The following DYRK1A variants were observed in gnomAD, a reference collection of about 807,000 sequenced individuals.
The protein encoded by DYRK1A is dual specificity tyrosine-phosphorylation-regulated kinase 1A.
Under a neutral mutation model 79.7 loss-of-function variants are expected in DYRK1A, and 9 were observed. The observed-to-expected ratio is 0.11, with a 90% CI of 0.07 to 0.20. DYRK1A has a LOEUF of 0.20. Among genes scored for constraint, DYRK1A ranks in the 10% least tolerant of loss-of-function variants. The probability of loss-of-function intolerance (pLI) is 1.00; values close to 1 mark genes in which losing one functional copy is unlikely to be tolerated. For synonymous variants in DYRK1A, 349 were observed against 329.7 expected (o/e 1.06, Z -0.63); for missense variants, 622 against 956.0 (o/e 0.65, Z 4.61).
In DYRK1A at chr21:37,522,571, A is replaced by C. The variant is rs1333515038; in HGVS notation, c.*10040A>C. The C allele has an allele frequency of 6.6e-6, 1 of 152,234 alleles. No homozygotes were observed. The highest frequency in any genetic ancestry group is 1.5e-5 in the Non-Finnish European group (1 of 68,060). The allele number at this position is 152,234 out of a possible 1,614,324, so 9.4% of individuals were successfully genotyped here. A position where few individuals can be genotyped will look rare whatever the true frequency, so the allele number is the denominator to read the frequency against. ...ATCAATTAATGTAGACACTAGGCTT[A>C]GGGCTAGGGAAAATGTAGTGAAGGA... On this transcript the variant is annotated 3_prime_UTR_variant, in exon 12 of 12. Transcript: ENST00000647188.
rs2053944278 is a variant in DYRK1A, at chr21:37,522,902, C to G, written c.*10371C>G. 1 of 152,382 alleles carries G rather than the reference C, an allele frequency of 6.6e-6. No individual in the cohort carries two copies. Among genetic ancestry groups the G allele is most frequent in the African/African-American group, 2.4e-5 (1 of 41,470 alleles). 9.4% of individuals were successfully genotyped at this position (152,382 alleles called of 1,614,324 possible). On this transcript the variant is annotated 3_prime_UTR_variant, in exon 12 of 12. Coordinates refer to ENST00000647188, the MANE Select transcript of DYRK1A (RefSeq NM_001347721.2). ...CCGCTTTCCCCACTGCTGGTTCAGG[C>G]TGTCTGCAGCAGCAGCAGCTCCAGG...
rs967949089 is a variant in DYRK1A, at chr21:37,520,337, A to G, written c.*7806A>G. Reference sequence around the variant, plus strand: ...CAGCTCTTAAGTTTATAAATAAAACAGGGATATTATCGGGGAAGCTTTTGA... The same window carrying G: ...CAGCTCTTAAGTTTATAAATAAAACGGGGATATTATCGGGGAAGCTTTTGA... On this transcript the variant is annotated 3_prime_UTR_variant, in exon 12 of 12. Coordinates refer to ENST00000647188, the MANE Select transcript of DYRK1A (RefSeq NM_001347721.2). 2.0e-4 allele frequency: 30 copies of G among 152,128 alleles called. No homozygotes were observed. Among genetic ancestry groups the G allele is most frequent in the African/African-American group, 7.2e-4 (30 of 41,458 alleles). 9.4% of individuals were successfully genotyped at this position (152,128 alleles called of 1,614,324 possible). A position where few individuals can be genotyped will look rare whatever the true frequency, so the allele number is the denominator to read the frequency against.
intron 1 of DYRK1A, among the ~76,000 whole-genome samples, chr21:37,417,538 T>TTTC (rs1569304671): frequency 1.0e-5 from 1 of 99,896 alleles, no homozygotes; most frequent in African/African-American, 3.6e-5. Flanking sequence ...TCTTTTTTTT[T>TTTC]TTTTTTTTTT....
At chr21:37,427,140 T>C (rs2050648676) in intron 2 of DYRK1A, among the ~76,000 whole-genome samples, 1 of 152,202 alleles carries the variant, frequency 6.6e-6, no homozygotes, top group Admixed American at 6.5e-5. Context: ...AAGAGAGTCT[T>C]GCTGTGTTGC....
At chr21:37,406,248 GTTAA>G (rs759125096) in intron 1 of DYRK1A, among the ~76,000 whole-genome samples, 20 of 152,118 alleles carry the variant, frequency 1.3e-4, no homozygotes, top group Non-Finnish European at 2.4e-4. Flanking sequence ...GTGTTTACTG[GTTAA>G]TTTTTAGTTA....
intron 1 of DYRK1A, among the ~76,000 whole-genome samples, chr21:37,393,089 A>G (rs1259768161): frequency 6.6e-6 from 1 of 152,230 alleles, no homozygotes; most frequent in Non-Finnish European, 1.5e-5. Context: ...TTTTCAACAA[A>G]TGAATTTTGG....
At chr21:37,483,242 T>C (rs993809510) in intron 5 of DYRK1A, among the ~76,000 whole-genome samples, 39 of 152,236 alleles carry the variant, frequency 2.6e-4, no homozygotes, top group African/African-American at 8.9e-4. Flanking sequence ...AACTAATAAA[T>C]GTCCATGAAA....
At chr21:37,448,499 A>G (rs2051342214) in intron 2 of DYRK1A, among the ~76,000 whole-genome samples, 1 of 152,210 alleles carries the variant, frequency 6.6e-6, no homozygotes, top group African/African-American at 2.4e-5. Context: ...TGGAGTAGAT[A>G]ACACTTTTTA....
intron 5 of DYRK1A, 49 bp from the exon 6 acceptor site, chr21:37,486,418 G>T (rs760725697): frequency 2.2e-6 from 3 of 1,349,542 alleles, no homozygotes; most frequent in African/African-American, 3.0e-5. Flanking sequence ...AAATTATTGT[G>T]AAATTTTTGC....
chr21:37,446,723 C>T (rs543253856), intron 2 of DYRK1A, among the ~76,000 whole-genome samples: 1 of 152,194 alleles, frequency 6.6e-6, no homozygotes, highest in Non-Finnish European at 1.5e-5. Flanking sequence ...TGGAAAAGGT[C>T]AGGGTCACAC....
chr21:37,402,035 C>T (rs1398366457), intron 1 of DYRK1A, among the ~76,000 whole-genome samples: 1 of 152,160 alleles, frequency 6.6e-6, no homozygotes, highest in Non-Finnish European at 1.5e-5. Context: ...TAAAGAGCAT[C>T]AGATTGATTT....
rs578038005 is a variant in DYRK1A, at chr21:37,411,695, T to C, written c.-76-8604T>C. 3.9e-5 allele frequency among the ~76,000 whole-genome samples: 6 copies of C among 152,304 alleles called. No individual in the cohort carries two copies. The South Asian group carries it at 6.2e-4, about 16-fold the overall frequency. ...TTGAGAAAATTCCAGGGTAACAATT[T>C]TAAGGTTTAAGTTTTAATTTCATCA... On this transcript the variant is annotated intron_variant, in intron 1 of 11. Transcript: ENST00000647188.
At chr21:37,391,060 A>C (rs2049860807) in intron 1 of DYRK1A, among the ~76,000 whole-genome samples, 1 of 152,154 alleles carries the variant, frequency 6.6e-6, no homozygotes, top group Non-Finnish European at 1.5e-5. Context: ...AATTTTGATG[A>C]AGTCTAATTA....
At chr21:37,452,664 A>AGGG (rs1278784140) in intron 2 of DYRK1A, among the ~76,000 whole-genome samples, 1 of 151,656 alleles carries the variant, frequency 6.6e-6, no homozygotes, top group East Asian at 1.9e-4. Flanking sequence ...GGGGAAGGGA[A>AGGG]GGGGAGCAGG....
intron 2 of DYRK1A, among the ~76,000 whole-genome samples, chr21:37,460,081 T>G (rs1376447076): frequency 1.3e-5 from 2 of 152,034 alleles, no homozygotes; most frequent in Non-Finnish European, 2.9e-5. Context: ...AGTTGCTATG[T>G]TAGATTTGTT....
chr21:37,428,315 A>T (rs868170035), intron 2 of DYRK1A, among the ~76,000 whole-genome samples: 1 of 152,178 alleles, frequency 6.6e-6, no homozygotes, highest in African/African-American at 2.4e-5. Context: ...TAATGCCTCA[A>T]ACATAACAGA....
intron 9 of DYRK1A, among the ~76,000 whole-genome samples, chr21:37,497,814 T>C (rs2053318557): frequency 6.6e-6 from 1 of 152,194 alleles, no homozygotes; most frequent in South Asian, 2.1e-4. Context: ...GTCTTTTCCC[T>C]TTTAAAATTG....
chr21:37,495,188 GTGTGTGTGTGTGT>G (rs2053228913), intron 8 of DYRK1A, among the ~76,000 whole-genome samples: 2 of 148,014 alleles, frequency 1.4e-5, no homozygotes, highest in Admixed American at 1.3e-4. Flanking sequence ...GTGTGTGTGT[GTGTGTGTGTGTGT>G]GGTTATTTAA....
chr21:37,441,551 A>G (rs1335969796), intron 2 of DYRK1A, among the ~76,000 whole-genome samples: 1 of 151,734 alleles, frequency 6.6e-6, no homozygotes, highest in Non-Finnish European at 1.5e-5. Flanking sequence ...TGGTTTATTC[A>G]TTTTAACCTT....
Sources: gnomAD v4.1 joint callset for allele counts (sites outside exome capture counted in the v4.1 genomes callset) on GRCh38, gnomAD v4.1.1 for gene constraint, MANE v1.5 for transcripts, NCBI Gene and HGNC (gene_info 2026-07-23, HGNC 2026-07-21) for gene names.